CNTNAP2: variants seen among roughly 807,000 people sequenced by gnomAD.
CNTNAP2 encodes the protein contactin-associated protein-like 2.
CNTNAP2 carries 98 observed loss-of-function variants against 155.2 expected under a neutral mutation model. The ratio of observed to expected loss-of-function variants is 0.63; its 90% CI spans 0.54 to 0.75. The LOEUF (loss-of-function observed/expected upper bound fraction) is 0.75. Ranked by LOEUF, CNTNAP2 falls within the 30% of genes least tolerant of loss-of-function variation. CNTNAP2 has a pLI of 0.00. For synonymous variants in CNTNAP2, 651 were observed against 631.2 expected, an observed-to-expected ratio of 1.03 and a Z score of -0.47; for missense variants, 1,727 against 1,688.1, an observed-to-expected ratio of 1.02 and a Z score of -0.40.
At chr7:147,151,233 T>C (rs1801818117) in intron 8 of CNTNAP2, among the ~76,000 whole-genome samples, 1 of 152,154 alleles carries the variant, frequency 6.6e-6, no homozygotes, top group African/African-American at 2.4e-5. Flanking sequence ...TACTTTCTAG[T>C]ACCCTAGGCT....
chr7:146,637,181 T>C (rs886770132), intron 1 of CNTNAP2, among the ~76,000 whole-genome samples: 1 of 152,232 alleles, frequency 6.6e-6, no homozygotes, highest in African/African-American at 2.4e-5. Context: ...AGTAGCATCG[T>C]AAGACTTTAT....
At chr7:148,039,397 A>G (rs908691107) in intron 15 of CNTNAP2, among the ~76,000 whole-genome samples, 1 of 152,082 alleles carries the variant, frequency 6.6e-6, no homozygotes, top group African/African-American at 2.4e-5. Context: ...GATCTTCCTC[A>G]CTCAGTCCAC....
At chr7:148,400,425 C>A (rs570517368) in intron 22 of CNTNAP2, among the ~76,000 whole-genome samples, 1 of 152,276 alleles carries the variant, frequency 6.6e-6, no homozygotes, top group South Asian at 2.1e-4. Context: ...TCATAAACTC[C>A]CTGCAGCGGA....
chr7:147,138,711 C>T (rs1801538625), intron 8 of CNTNAP2, among the ~76,000 whole-genome samples: 1 of 151,934 alleles, frequency 6.6e-6, no homozygotes, highest in Admixed American at 6.6e-5. Context: ...GCAAAAGGGA[C>T]ATTTTAATTT....
At chr7:146,993,126 G>C (rs1798240257) in intron 3 of CNTNAP2, among the ~76,000 whole-genome samples, 1 of 152,160 alleles carries the variant, frequency 6.6e-6, no homozygotes, top group African/African-American at 2.4e-5. Context: ...TTTAGCGAAG[G>C]AATGAAAGGA....
At chr7:146,493,045 T>C (rs1797163029) in intron 1 of CNTNAP2, among the ~76,000 whole-genome samples, 1 of 152,182 alleles carries the variant, frequency 6.6e-6, no homozygotes, top group African/African-American at 2.4e-5. Context: ...CAGGCAGACA[T>C]ATCTAAATAA....
intron 9 of CNTNAP2, among the ~76,000 whole-genome samples, chr7:147,342,949 AC>A (rs1329592519): frequency 7.9e-5 from 12 of 152,080 alleles, no homozygotes; most frequent in Non-Finnish European, 1.8e-4. Context: ...TGTATATATC[AC>A]TTTTTTCACG....
intron 1 of CNTNAP2, among the ~76,000 whole-genome samples, chr7:146,636,810 GAA>G: frequency 6.6e-6 from 1 of 152,288 alleles, no homozygotes; most frequent in Admixed American, 6.5e-5. Flanking sequence ...TGTTTGTATA[GAA>G]AATGTTAGGC....
At chr7:146,471,426 C>T (rs1442489064) in intron 1 of CNTNAP2, among the ~76,000 whole-genome samples, 1 of 152,216 alleles carries the variant, frequency 6.6e-6, no homozygotes, top group African/African-American at 2.4e-5. Flanking sequence ...TGCTATAAGG[C>T]ATCTCAGCTG....
At chr7:147,163,724 A>G (rs1584765393) in intron 8 of CNTNAP2, among the ~76,000 whole-genome samples, 2 of 152,208 alleles carry the variant, frequency 1.3e-5, no homozygotes, top group South Asian at 4.1e-4. Context: ...TTCTATAAAT[A>G]AGTATGTACC....
intron 1 of CNTNAP2, among the ~76,000 whole-genome samples, chr7:146,559,490 C>T (rs952535412): frequency 3.3e-5 from 5 of 151,972 alleles, no homozygotes; most frequent in East Asian, 1.9e-4. Flanking sequence ...ATCACTTGAA[C>T]CCGGGAGTGC....
At chr7:148,270,543 C>T (rs986854227) in intron 21 of CNTNAP2, among the ~76,000 whole-genome samples, 1 of 152,146 alleles carries the variant, frequency 6.6e-6, no homozygotes, top group Non-Finnish European at 1.5e-5. Flanking sequence ...ATAGTTCCAC[C>T]ATATACTAAC....
In CNTNAP2 at chr7:146,338,454, A is replaced by T. The variant is rs12669477; in HGVS notation, c.97+221481A>T. Reference sequence around the variant, plus strand: ...CCGCATCAGATATAAAGTTATATGGAGTCCAAAGACCATCAATAGAGGATT... The same window carrying T: ...CCGCATCAGATATAAAGTTATATGGTGTCCAAAGACCATCAATAGAGGATT... On this transcript the variant is annotated intron_variant, in intron 1 of 23. Transcript: ENST00000361727. 7.0e-4 allele frequency among the ~76,000 whole-genome samples: 107 copies of T among 152,268 alleles called. 1 individual carries two copies. In the East Asian group the frequency reaches 0.016, roughly 23 times the overall value.
In CNTNAP2 at chr7:148,147,625, C is replaced by A. The variant is rs200300251; in HGVS notation, c.2689C>A (p.Gln897Lys). 5 of 1,614,112 alleles carry A rather than the reference C, an allele frequency of 3.1e-6. No individual in the cohort carries two copies. The African/African-American group carries it at 5.3e-5, about 17-fold the overall frequency. ...AERNVKQASL[Q>K]VDRLPQQIRK... is the part of the protein sequence containing the mutation. The stretch of plus-strand genomic sequence containing the variant: ...GAGGAATGTCAAGCAGGCCAGCCTA[C>A]AGGTGGACCGGCTACCGCAGCAGAT... The change falls in exon 17 of 24, where the codon CAG becomes AAG. Residue 897 changes from glutamine to lysine, a missense_variant. Transcript: ENST00000361727.
At chr7:146,628,531 G>C (rs1455462457) in intron 1 of CNTNAP2, among the ~76,000 whole-genome samples, 1 of 152,062 alleles carries the variant, frequency 6.6e-6, no homozygotes, top group African/African-American at 2.4e-5. Context: ...TAATGCATAT[G>C]TTAAATAGCT....
chr7:147,810,501 C>A (rs775132191), intron 13 of CNTNAP2, among the ~76,000 whole-genome samples: 44 of 152,106 alleles, frequency 2.9e-4, no homozygotes, highest in Non-Finnish European at 4.4e-4. Context: ...TCAGTAGGTT[C>A]TTTCCTGCCA....
chr7:147,605,525 A>T (rs1801043202), intron 12 of CNTNAP2, among the ~76,000 whole-genome samples: 2 of 152,104 alleles, frequency 1.3e-5, no homozygotes, highest in Non-Finnish European at 2.9e-5. Flanking sequence ...CTGGTAATAA[A>T]AGTTGTCTTC....
intron 2 of CNTNAP2, among the ~76,000 whole-genome samples, chr7:146,780,326 C>A (rs905344140): frequency 6.6e-6 from 1 of 152,050 alleles, no homozygotes; most frequent in African/African-American, 2.4e-5. Flanking sequence ...GCTGGGACTG[C>A]AGGCGCCCGC....
intron 9 of CNTNAP2, among the ~76,000 whole-genome samples, chr7:147,386,417 C>T (rs1202888912): frequency 6.6e-6 from 1 of 152,120 alleles, no homozygotes; most frequent in African/African-American, 2.4e-5. Flanking sequence ...AGCTGAATGC[C>T]TTTAACAGCA....
Sources: gnomAD v4.1 joint callset for allele counts (sites outside exome capture counted in the v4.1 genomes callset) on GRCh38, gnomAD v4.1.1 for gene constraint, MANE v1.5 for transcripts, NCBI Gene and HGNC (gene_info 2026-07-23, HGNC 2026-07-21) for gene names.